The following ABCA3 variants were observed in gnomAD, a reference collection of about 807,000 sequenced individuals.
The protein encoded by ABCA3 is ATP binding cassette subfamily A member 3, also known as phospholipid-transporting ATPase ABCA3.
ABCA3 carries 88 observed loss-of-function variants against 172.8 expected under a neutral mutation model. That is an observed-to-expected ratio of 0.51 (90% CI 0.43 to 0.61). The LOEUF (loss-of-function observed/expected upper bound fraction) is 0.61, where lower values mean the gene tolerates loss of function less well. Among genes scored for constraint, ABCA3 ranks in the 20% least tolerant of loss-of-function variants. ABCA3 has a pLI of 0.00. For synonymous variants in ABCA3, 1,066 were observed against 983.8 expected (o/e 1.08, Z -1.56); for missense variants, 2,164 against 2,301.0 (o/e 0.94, Z 1.22).
chr16:2,309,404 C>T (rs913243399), intron 10 of ABCA3, among the ~76,000 whole-genome samples: 2 of 152,154 alleles, frequency 1.3e-5, no homozygotes, highest in Non-Finnish European at 2.9e-5. Context: ...TGGAATATAG[C>T]GGGGAGACAG....
intron 10 of ABCA3, among the ~76,000 whole-genome samples, chr16:2,316,925 A>C (rs2093716827): frequency 6.6e-6 from 1 of 152,166 alleles, no homozygotes; most frequent in South Asian, 2.1e-4. Context: ...AAAGAAGCAA[A>C]AGAGAATGAT....
rs566840715 is a variant in ABCA3, at chr16:2,299,678, A to G, written c.1612-146T>C. The G allele has an allele frequency of 9.6e-4, 1,261 of 1,317,818 alleles. 16 individuals are homozygous for G. The South Asian group carries it at 0.014, about 15-fold the overall frequency. The allele number at this position is 1,317,818 out of a possible 1,614,324, so 81.6% of individuals were successfully genotyped here. A position where few individuals can be genotyped will look rare whatever the true frequency, so the allele number is the denominator to read the frequency against. The stretch of plus-strand genomic sequence containing the variant: ...TGCAGAGGGGAGGGACGTTTCGGGC[A>G]GATGCTGCTCCTGGCTGCTCCCCTC... On this transcript the variant is annotated intron_variant, in intron 13 of 32. Transcript: ENST00000301732.
At chr16:2,282,482 T>A (rs1596830722) in intron 26 of ABCA3, among the ~76,000 whole-genome samples, 1 of 152,356 alleles carries the variant, frequency 6.6e-6, no homozygotes, top group East Asian at 1.9e-4. Context: ...GGCTAAGCTG[T>A]ATGTGCAATG....
Position 2,285,650 on chromosome 16 carries a change from C to T in ABCA3, c.3279-4G>A, listed in dbSNP as rs377007687. ...AATGTCGAATCCCTTCCGGCCCCTG[C>T]GGGGGACAGAGAAGGTCAGGGACGG... On this transcript the variant is annotated splice_polypyrimidine_tract_variant and splice_region_variant and intron_variant, in intron 22 of 32. Coordinates refer to ENST00000301732, the MANE Select transcript of ABCA3 (RefSeq NM_001089.3). The surrounding 1 kb of genome is among the most constrained non-coding windows in gnomAD (Gnocchi z 4.7). 32 of 1,551,554 alleles carry T rather than the reference C, an allele frequency of 2.1e-5. No homozygotes were observed. The highest frequency in any genetic ancestry group is 1.2e-4 in the African/African-American group (9 of 73,032).
intron 20 of ABCA3, 29 bp downstream of exon 20, chr16:2,289,405 G>GCCAC: frequency 1.0e-6 from 1 of 994,954 alleles, no homozygotes; most frequent in South Asian, 1.3e-5. Context: ...CCCTTCCCCC[G>GCCAC]CCACCCGCCC....
intron 7 of ABCA3, among the ~76,000 whole-genome samples, chr16:2,322,704 G>C (rs961765087): frequency 1.3e-5 from 2 of 151,918 alleles, no homozygotes; most frequent in African/African-American, 4.8e-5. Context: ...AAAAACCCTA[G>C]AAGAAAACCT....
At chr16:2,331,499 G>T (rs576290632) in intron 1 of ABCA3, among the ~76,000 whole-genome samples, 3 of 152,334 alleles carry the variant, frequency 2.0e-5, no homozygotes, top group East Asian at 3.9e-4. Context: ...GTGCCCTGCC[G>T]AGGTTTTATC....
intron 1 of ABCA3, among the ~76,000 whole-genome samples, chr16:2,334,590 C>T (rs1409028137): frequency 6.6e-6 from 1 of 150,640 alleles, no homozygotes; most frequent in Non-Finnish European, 1.5e-5. Context: ...TGGCTCAATG[C>T]AACCTCCGGC....
chr16:2,327,576 C>A (rs1345825771), intron 3 of ABCA3, among the ~76,000 whole-genome samples: 2 of 152,196 alleles, frequency 1.3e-5, no homozygotes, highest in African/African-American at 4.8e-5. Context: ...GCCTTGCTGC[C>A]CCGGAGCAGG....
At chr16:2,326,519 G>T in intron 3 of ABCA3, 27 bp from the exon 4 acceptor site, 1 of 1,579,094 alleles carries the variant, frequency 6.3e-7, no homozygotes. Context: ...GACAGAGAGT[G>T]TGGGTGCGCA....
chr16:2,289,685 T>TG, intron 19 of ABCA3, 65 bp from the exon 20 acceptor site: 1 of 1,517,186 alleles, frequency 6.6e-7, no homozygotes, highest in South Asian at 1.2e-5. Flanking sequence ...GGAGGGACTA[T>TG]GGTTAGAGGC....
At chr16:2,340,078 G>A (rs1470433840) in intron 1 of ABCA3, among the ~76,000 whole-genome samples, 2 of 152,240 alleles carry the variant, frequency 1.3e-5, no homozygotes, top group African/African-American at 4.8e-5. Flanking sequence ...GAGGGTGGGA[G>A]CAGGCGGAAT....
chr16:2,281,591 G>A lies in ABCA3; in HGVS notation c.4036-82C>T. The stretch of plus-strand genomic sequence containing the variant: ...GGAGAAGGGAGGGGCGGGGGTGGAT[G>A]TGGGAGGTCTGGTGGGACTAAGGCC... On this transcript the variant is annotated intron_variant, in intron 26 of 32. Transcript: ENST00000301732. This position sits in a 1 kb window ranked among gnomAD's most constrained non-coding sequence, Gnocchi z 4.7. 1 of 1,395,280 alleles carries A rather than the reference G, an allele frequency of 7.2e-7. No homozygotes were observed. The highest frequency in any genetic ancestry group is 1.0e-6 in the Non-Finnish European group (1 of 1,004,548). 86.4% of individuals were successfully genotyped at this position (1,395,280 alleles called of 1,614,324 possible).
intron 10 of ABCA3, among the ~76,000 whole-genome samples, chr16:2,310,428 AAAC>A (rs2093704852): frequency 9.6e-6 from 1 of 103,708 alleles, no homozygotes; most frequent in Non-Finnish European, 2.2e-5. Context: ...ACAAACAAAA[AAAC>A]AAACAAACAA....
chr16:2,303,926 A>C (rs1489011216), intron 12 of ABCA3, 43 bp downstream of exon 12: 22 of 1,611,792 alleles, frequency 1.4e-5, no homozygotes, highest in Non-Finnish European at 1.9e-5. Context: ...ACACCTCTGC[A>C]CTCAGAGAGG....
chr16:2,302,125 G>A (rs1159866797), intron 12 of ABCA3, among the ~76,000 whole-genome samples: 2 of 152,206 alleles, frequency 1.3e-5, no homozygotes, highest in Non-Finnish European at 2.9e-5. Flanking sequence ...TAGAAACAAT[G>A]CTAATGACTG....
rs2093740300 is a variant in ABCA3, at chr16:2,329,840, A to G, written c.-524T>C. On this transcript the variant is annotated 5_prime_UTR_variant, in exon 2 of 33. The change abolishes an upstream ATG in the 5' untranslated region. Coordinates refer to ENST00000301732, the MANE Select transcript of ABCA3 (RefSeq NM_001089.3). Reference sequence around the variant, plus strand: ...CAGGAGGTGCCCAGGGCTCACAGGCATGACTCTCCAGCACCTTTGGACAGA... The same window carrying G: ...CAGGAGGTGCCCAGGGCTCACAGGCGTGACTCTCCAGCACCTTTGGACAGA... 1 of 152,258 alleles carries G rather than the reference A, an allele frequency of 6.6e-6. No individual in the cohort carries two copies. The highest frequency in any genetic ancestry group is 1.5e-5 in the Non-Finnish European group (1 of 68,058). 9.4% of individuals were successfully genotyped at this position (152,258 alleles called of 1,614,324 possible). A position where few individuals can be genotyped will look rare whatever the true frequency, so the allele number is the denominator to read the frequency against.
chr16:2,321,785 C>T (rs2141735398), intron 7 of ABCA3, among the ~76,000 whole-genome samples: 1 of 152,280 alleles, frequency 6.6e-6, no homozygotes, highest in South Asian at 2.1e-4. Context: ...TTCCGTCAAA[C>T]CATGGATCAG....
At chr16:2,331,150 A>G (rs2093742537) in intron 1 of ABCA3, among the ~76,000 whole-genome samples, 1 of 152,156 alleles carries the variant, frequency 6.6e-6, no homozygotes, top group South Asian at 2.1e-4. Context: ...AGAACATAAC[A>G]TCAGAAACTG....
Sources: gnomAD v4.1 joint callset for allele counts (sites outside exome capture counted in the v4.1 genomes callset) on GRCh38, gnomAD v4.1.1 for gene constraint, Gnocchi (gnomAD v3.1) non-coding constraint, MANE v1.5 for transcripts, NCBI Gene and HGNC (gene_info 2026-07-23, HGNC 2026-07-21) for gene names.